Variants in THSD7B observed in about 807,000 individuals in gnomAD.
The protein encoded by THSD7B is thrombospondin type-1 domain-containing protein 7B.
In THSD7B, 138 loss-of-function variants were observed where a neutral mutation model predicts 213.6. That is an observed-to-expected ratio of 0.65 (90% CI 0.56 to 0.74). THSD7B has a LOEUF of 0.74. THSD7B is among the 30% of genes least tolerant of loss of function. The pLI, the probability that THSD7B is intolerant of heterozygous loss-of-function variation, is 0.00. For synonymous variants in THSD7B, 742 were observed against 687.0 expected (o/e 1.08, Z -1.25); for missense variants, 1,931 against 1,991.5 (o/e 0.97, Z 0.58).
intron 15 of THSD7B, among the ~76,000 whole-genome samples, chr2:137,519,251 A>AAATAAATAAATAAATAAATAAAT (rs1553456924): frequency 3.4e-5 from 5 of 149,224 alleles, no homozygotes; most frequent in East Asian, 2.0e-4. Flanking sequence ...ACTCCATCTC[A>AAATAAATAAATAAATAAATAAAT]AAATAAATAA....
chr2:137,048,430 T>C (rs1687007524), intron 2 of THSD7B, among the ~76,000 whole-genome samples: 1 of 152,196 alleles, frequency 6.6e-6, no homozygotes, highest in South Asian at 2.1e-4. Context: ...CTCACTTGTA[T>C]ATGGTATGAA....
At chr2:136,847,626 G>A (rs1185118184) in intron 1 of THSD7B, among the ~76,000 whole-genome samples, 1 of 152,084 alleles carries the variant, frequency 6.6e-6, no homozygotes, top group African/African-American at 2.4e-5. Flanking sequence ...TTGTATGACT[G>A]CATATGATTG....
At chr2:137,485,648 T>C (rs4014249) in intron 15 of THSD7B, among the ~76,000 whole-genome samples, 108,711 of 151,894 alleles carry the variant, frequency 0.72, 39,782 homozygotes, top group Non-Finnish European at 0.8. Context: ...ATACAGAGAA[T>C]GCCACAAAGA....
At chr2:137,206,449 G>A (rs936222480) in intron 7 of THSD7B, among the ~76,000 whole-genome samples, 7 of 152,062 alleles carry the variant, frequency 4.6e-5, no homozygotes, top group African/African-American at 1.7e-4. Context: ...GAGGTTTTCA[G>A]CCCTGACTGC....
At chr2:136,877,132 T>A (rs1282749451) in intron 1 of THSD7B, among the ~76,000 whole-genome samples, 8 of 152,188 alleles carry the variant, frequency 5.3e-5, no homozygotes, top group Admixed American at 4.6e-4. Context: ...AAAGGACTCT[T>A]GGTCAGAACA....
At chr2:137,503,267 G>C (rs1679752392) in intron 15 of THSD7B, among the ~76,000 whole-genome samples, 1 of 152,058 alleles carries the variant, frequency 6.6e-6, no homozygotes, top group Non-Finnish European at 1.5e-5. Context: ...TGTGTAAGTA[G>C]CAGCCCAGTC....
At chr2:137,557,939 A>G (rs576987291) in intron 15 of THSD7B, among the ~76,000 whole-genome samples, 9 of 152,212 alleles carry the variant, frequency 5.9e-5, no homozygotes, top group Admixed American at 1.3e-4. Context: ...AAACACCTCT[A>G]TGCAAATAAA....
intron 15 of THSD7B, among the ~76,000 whole-genome samples, chr2:137,495,537 C>T (rs914297554): frequency 3.9e-5 from 6 of 152,122 alleles, no homozygotes; most frequent in African/African-American, 1.2e-4. Flanking sequence ...AAAATTTCAT[C>T]GCCCCAAGGA....
intron 1 of THSD7B, among the ~76,000 whole-genome samples, chr2:136,853,899 T>C (rs1016111815): frequency 6.6e-6 from 1 of 152,202 alleles, no homozygotes; most frequent in African/African-American, 2.4e-5. Context: ...TTTGTGTGTG[T>C]GTGATGCCTA....
intron 14 of THSD7B, among the ~76,000 whole-genome samples, chr2:137,432,956 AT>A (rs1687216631): frequency 6.6e-6 from 1 of 152,178 alleles, no homozygotes; most frequent in Admixed American, 6.5e-5. Context: ...TTAGCGTCTA[AT>A]TCTTGGCTCA....
At chr2:137,113,562 G>A (rs1278786083) in intron 4 of THSD7B, among the ~76,000 whole-genome samples, 22 of 152,074 alleles carry the variant, frequency 1.4e-4, no homozygotes, top group African/African-American at 4.8e-4. Flanking sequence ...TCAGCCTCCC[G>A]AGTAGCTGGG....
At chr2:137,506,814 C>A (rs1447913373) in intron 15 of THSD7B, among the ~76,000 whole-genome samples, 2 of 152,184 alleles carry the variant, frequency 1.3e-5, no homozygotes, top group Non-Finnish European at 2.9e-5. Flanking sequence ...GATGACCCAG[C>A]CTCCGGGCTC....
At chr2:137,177,774 T>C (rs576777605) in intron 7 of THSD7B, among the ~76,000 whole-genome samples, 13 of 152,158 alleles carry the variant, frequency 8.5e-5, no homozygotes, top group Admixed American at 7.2e-4. Flanking sequence ...TTAGTTAGAA[T>C]CAAGAATAGT....
At chr2:137,095,578 T>C (rs13011010) in intron 4 of THSD7B, among the ~76,000 whole-genome samples, 5,847 of 152,328 alleles carry the variant, frequency 0.038, 180 homozygotes, top group Non-Finnish European at 0.062. Flanking sequence ...GGCAGTACCC[T>C]GATTCTAACT....
At chr2:136,983,797 A>T (rs1685627585) in intron 2 of THSD7B, among the ~76,000 whole-genome samples, 1 of 152,180 alleles carries the variant, frequency 6.6e-6, no homozygotes, top group Non-Finnish European at 1.5e-5. Context: ...TGCAGGGTGG[A>T]ATTTGGTAAG....
At chr2:137,087,087 C>T (rs1452066974) in intron 3 of THSD7B, among the ~76,000 whole-genome samples, 1 of 152,062 alleles carries the variant, frequency 6.6e-6, no homozygotes, top group African/African-American at 2.4e-5. Flanking sequence ...ATTCTATCTG[C>T]ATGGTCAACA....
At chr2:137,235,495 C>T (rs1401440932) in intron 9 of THSD7B, among the ~76,000 whole-genome samples, 1 of 152,086 alleles carries the variant, frequency 6.6e-6, no homozygotes, top group African/African-American at 2.4e-5. Context: ...AAATTATCAT[C>T]ATATTTTAAA....
At chr2:137,242,846 T>G (rs960257285) in intron 10 of THSD7B, among the ~76,000 whole-genome samples, 5 of 152,194 alleles carry the variant, frequency 3.3e-5, no homozygotes, top group Non-Finnish European at 7.3e-5. Context: ...TGTGGCATTT[T>G]GAACAGTCAT....
At chr2:137,635,635 T>C (rs989011456) in intron 20 of THSD7B, among the ~76,000 whole-genome samples, 2 of 152,166 alleles carry the variant, frequency 1.3e-5, no homozygotes, top group African/African-American at 2.4e-5. Flanking sequence ...GTTCTAGGAA[T>C]TGATATGAGA....
Sources: gnomAD v4.1 joint callset for allele counts (sites outside exome capture counted in the v4.1 genomes callset) on GRCh38, gnomAD v4.1.1 for gene constraint, MANE v1.5 for transcripts, NCBI Gene and HGNC (gene_info 2026-07-23, HGNC 2026-07-21) for gene names.